The following ANKS1B variants were observed in gnomAD, a reference collection of about 807,000 sequenced individuals.
The protein encoded by ANKS1B is ankyrin repeat and sterile alpha motif domain-containing protein 1B.
Under a neutral mutation model 148.3 loss-of-function variants are expected in ANKS1B, and 36 were observed. That is an observed-to-expected ratio of 0.24 (90% CI 0.19 to 0.32). The LOEUF (loss-of-function observed/expected upper bound fraction) is 0.32. Among genes scored for constraint, ANKS1B ranks in the 10% least tolerant of loss-of-function variants. The pLI, the probability that ANKS1B is intolerant of heterozygous loss-of-function variation, is 1.00. For missense variants in ANKS1B, 1,157 were observed against 1,542.6 expected (o/e 0.75, Z 4.19); for synonymous variants, 542 against 560.8 (o/e 0.97, Z 0.47).
chr12:99,877,308 T>G (rs149069968), intron 1 of ANKS1B, among the ~76,000 whole-genome samples: 2 of 152,242 alleles, frequency 1.3e-5, no homozygotes, highest in Admixed American at 6.5e-5. Flanking sequence ...CACATTCCAA[T>G]GGCTCTAAAG....
intron 9 of ANKS1B, among the ~76,000 whole-genome samples, chr12:99,516,723 A>T (rs1489146639): frequency 6.6e-6 from 1 of 152,100 alleles, no homozygotes. Flanking sequence ...CATGTTCTCC[A>T]TGTGTATCCT....
At chr12:99,696,128 T>A (rs893774225) in intron 8 of ANKS1B, among the ~76,000 whole-genome samples, 4 of 151,622 alleles carry the variant, frequency 2.6e-5, no homozygotes, top group Non-Finnish European at 5.9e-5. Context: ...AAAAGAGAAA[T>A]TTTTTTTAAG....
chr12:99,486,665 T>C (rs1194264744), intron 10 of ANKS1B, among the ~76,000 whole-genome samples: 1 of 152,022 alleles, frequency 6.6e-6, no homozygotes, highest in Non-Finnish European at 1.5e-5. Context: ...TCACAGTGAT[T>C]TGCACTAAGG....
At chr12:99,375,498 T>C (rs1205906394) in intron 12 of ANKS1B, among the ~76,000 whole-genome samples, 1 of 152,226 alleles carries the variant, frequency 6.6e-6, no homozygotes, top group Admixed American at 6.5e-5. Flanking sequence ...GAAAATGTAC[T>C]TAGCTTCATG....
intron 25 of ANKS1B, among the ~76,000 whole-genome samples, chr12:98,754,916 T>G (rs1356960018): frequency 6.6e-6 from 1 of 152,214 alleles, no homozygotes; most frequent in African/African-American, 2.4e-5. Flanking sequence ...TTTCCTTGAC[T>G]TCTTGCTTTG....
intron 17 of ANKS1B, among the ~76,000 whole-genome samples, chr12:98,874,884 T>C (rs908238200): frequency 2.0e-5 from 3 of 152,194 alleles, no homozygotes; most frequent in African/African-American, 7.2e-5. Flanking sequence ...ACTTATACTG[T>C]CATAACAATG....
intron 4 of ANKS1B, among the ~76,000 whole-genome samples, chr12:99,786,297 G>A (rs1294717157): frequency 2.0e-5 from 3 of 152,086 alleles, no homozygotes; most frequent in Admixed American, 2.0e-4. Flanking sequence ...TGAACCCCAG[G>A]GGGTTAGCTT....
intron 15 of ANKS1B, among the ~76,000 whole-genome samples, chr12:99,145,210 T>C (rs1272572864): frequency 6.6e-6 from 1 of 152,066 alleles, no homozygotes; most frequent in Non-Finnish European, 1.5e-5. Flanking sequence ...AGCAGGGACT[T>C]CTAAGCCAGG....
chr12:99,940,872 A>G (rs1231974765), intron 1 of ANKS1B, among the ~76,000 whole-genome samples: 3 of 152,150 alleles, frequency 2.0e-5, no homozygotes, highest in Non-Finnish European at 4.4e-5. Context: ...AGGAAGGGGC[A>G]TTTAAGTTAG....
chr12:99,845,474 T>C (rs1373332507), intron 1 of ANKS1B, among the ~76,000 whole-genome samples: 4 of 152,198 alleles, frequency 2.6e-5, no homozygotes, highest in Non-Finnish European at 5.9e-5. Context: ...TCTACATCTA[T>C]TGAGATAATC....
chr12:98,849,836 C>T (rs1213657096), intron 17 of ANKS1B, among the ~76,000 whole-genome samples: 1 of 152,188 alleles, frequency 6.6e-6, no homozygotes, highest in Non-Finnish European at 1.5e-5. Context: ...TACAAAAGGG[C>T]TTAAATTCAA....
At chr12:98,757,941 T>TGTGTGTGTGTGCAC (rs2098297321) in intron 25 of ANKS1B, among the ~76,000 whole-genome samples, 1 of 150,860 alleles carries the variant, frequency 6.6e-6, no homozygotes, top group African/African-American at 2.5e-5. Flanking sequence ...TGTGCACGTG[T>TGTGTGTGTGTGCAC]GTGTGTGTGT....
intron 9 of ANKS1B, among the ~76,000 whole-genome samples, chr12:99,637,298 C>T (rs2098247925): frequency 6.6e-6 from 1 of 152,136 alleles, no homozygotes; most frequent in South Asian, 2.1e-4. Flanking sequence ...AAGTGAGACT[C>T]CATCTCAGAA....
chr12:98,965,485 A>G (rs1291092004), intron 17 of ANKS1B, among the ~76,000 whole-genome samples: 2 of 152,208 alleles, frequency 1.3e-5, no homozygotes, highest in Non-Finnish European at 2.9e-5. Flanking sequence ...ATGATCTACT[A>G]GTTGAAATGA....
chr12:99,731,426 G>C (rs975180857), intron 8 of ANKS1B, among the ~76,000 whole-genome samples: 16 of 97,150 alleles, frequency 1.6e-4, no homozygotes, highest in African/African-American at 4.1e-4. Context: ...GTGTGTGTGT[G>C]TGTGTGTGTG....
chr12:98,846,501 T>C (rs1022063851), intron 17 of ANKS1B, among the ~76,000 whole-genome samples: 3 of 152,230 alleles, frequency 2.0e-5, no homozygotes, highest in Non-Finnish European at 4.4e-5. Flanking sequence ...AACAGGTATG[T>C]TGAGTGACCA....
chr12:99,489,082 A>C lies in ANKS1B; in HGVS notation c.1438+15394T>G, dbSNP rs180850848. ...CATGGTGAAACCCCAACTCTACTAA[A>C]AATACAAAAATTAGCTAGGCATGGT... is the stretch of plus-strand genomic sequence containing the variant. On this transcript the variant is annotated intron_variant, in intron 10 of 26. Coordinates refer to ENST00000683438, the MANE Select transcript of ANKS1B (RefSeq NM_001352186.2). Among the ~76,000 whole-genome samples, 191 of 152,178 alleles carry C rather than the reference A, an allele frequency of 1.3e-3. 2 individuals carry two copies. The highest frequency in any genetic ancestry group is 4.4e-3 in the African/African-American group (182 of 41,524).
At chr12:99,231,825 G>T (rs911747385) in intron 14 of ANKS1B, among the ~76,000 whole-genome samples, 1 of 152,050 alleles carries the variant, frequency 6.6e-6, no homozygotes, top group Non-Finnish European at 1.5e-5. Flanking sequence ...CCAGGGCTGT[G>T]AAGATGTTTG....
intron 17 of ANKS1B, chr12:98,956,484 T>C (rs2099862260): frequency 6.6e-6 from 1 of 152,200 alleles, no homozygotes; most frequent in South Asian, 2.1e-4. Context: ...AACCCAAAAC[T>C]TGAGTTTGGC....
Sources: gnomAD v4.1 joint callset for allele counts (sites outside exome capture counted in the v4.1 genomes callset) on GRCh38, gnomAD v4.1.1 for gene constraint, MANE v1.5 for transcripts, NCBI Gene and HGNC (gene_info 2026-07-23, HGNC 2026-07-21) for gene names.